The following DNM3 variants were observed in gnomAD, a reference collection of about 807,000 sequenced individuals.
DNM3 encodes the protein dynamin-3.
Under a neutral mutation model 101.6 loss-of-function variants are expected in DNM3, and 47 were observed. That is an observed-to-expected ratio of 0.46 (90% CI 0.37 to 0.59). The LOEUF (loss-of-function observed/expected upper bound fraction) is 0.59. Ranked by LOEUF, DNM3 falls within the 20% of genes least tolerant of loss-of-function variation. The pLI is 0.00. For missense variants in DNM3, 849 were observed against 1,085.7 expected (o/e 0.78, Z 3.06); for synonymous variants, 385 against 387.9 (o/e 0.99, Z 0.09).
intron 1 of DNM3, among the ~76,000 whole-genome samples, chr1:171,891,340 C>A (rs2037260200): frequency 7.3e-6 from 1 of 136,718 alleles, no homozygotes. Flanking sequence ...ATTACATGGG[C>A]AAGTGCTAAA....
intron 17 of DNM3, among the ~76,000 whole-genome samples, chr1:172,332,354 G>A (rs2066226399): frequency 6.6e-6 from 1 of 152,134 alleles, no homozygotes; most frequent in East Asian, 1.9e-4. Flanking sequence ...CTGTCACTGA[G>A]GCTGGAGTGC....
intron 1 of DNM3, among the ~76,000 whole-genome samples, chr1:171,882,441 A>T (rs1413662355): frequency 6.6e-6 from 1 of 150,486 alleles, no homozygotes; most frequent in African/African-American, 2.5e-5. Flanking sequence ...ACACACACAC[A>T]CACACACACA....
intron 13 of DNM3, among the ~76,000 whole-genome samples, chr1:172,103,120 A>G (rs373030139): frequency 6.6e-6 from 1 of 152,040 alleles, no homozygotes; most frequent in African/African-American, 2.4e-5. Flanking sequence ...CCCCCACCCA[A>G]TCCCACTCAC....
chr1:172,354,756 C>T (rs2067366292), intron 17 of DNM3, among the ~76,000 whole-genome samples: 1 of 152,048 alleles, frequency 6.6e-6, no homozygotes, highest in East Asian at 1.9e-4. Flanking sequence ...ATGGTGAAGC[C>T]ACAGCTGTCC....
At chr1:172,219,345 T>G (rs1361012283) in intron 14 of DNM3, among the ~76,000 whole-genome samples, 1 of 117,074 alleles carries the variant, frequency 8.5e-6, no homozygotes, top group Admixed American at 1.2e-4. Context: ...ATCACTGCAC[T>G]CCAGCCTGGG....
At chr1:172,254,737 C>T (rs1040364667) in intron 15 of DNM3, among the ~76,000 whole-genome samples, 1 of 152,062 alleles carries the variant, frequency 6.6e-6, no homozygotes, top group Non-Finnish European at 1.5e-5. Flanking sequence ...CCATGATCTT[C>T]ACTGAAACTT....
chr1:172,155,381 A>T (rs2058298470), intron 14 of DNM3, among the ~76,000 whole-genome samples: 1 of 151,910 alleles, frequency 6.6e-6, no homozygotes, highest in Admixed American at 6.6e-5. Context: ...TAAAACTTTC[A>T]TTCCATGGCT....
chr1:172,210,928 G>A (rs528200626), intron 14 of DNM3, among the ~76,000 whole-genome samples: 115 of 152,102 alleles, frequency 7.6e-4, no homozygotes, highest in African/African-American at 2.2e-3. Context: ...GGAAATAAAG[G>A]GCATTTTTTA....
intron 4 of DNM3, among the ~76,000 whole-genome samples, chr1:172,015,426 GTTC>G (rs2047386788): frequency 1.3e-5 from 2 of 152,086 alleles, no homozygotes; most frequent in South Asian, 2.1e-4. Context: ...CATTTATTTA[GTTC>G]TTCTTTAATA....
At chr1:171,996,478 T>TTA in intron 4 of DNM3, among the ~76,000 whole-genome samples, 2 of 152,210 alleles carry the variant, frequency 1.3e-5, no homozygotes, top group Non-Finnish European at 2.9e-5. Context: ...CACCATGTGC[T>TTA]TATGGTATAG....
At position 172,137,775 on chromosome 1, in the gene DNM3, A is replaced by G. The variant is rs987980122; in HGVS notation, c.1659+6487A>G. On this transcript the variant is annotated intron_variant, in intron 14 of 20. Coordinates refer to ENST00000627582, the MANE Select transcript of DNM3 (RefSeq NM_015569.5). The stretch of plus-strand genomic sequence containing the variant: ...TAATGAACTAAATAAAAGTTGACAC[A>G]TTTCTAATTTTATCCATCTTCCCAC... 4 of 152,296 alleles carry G rather than the reference A, an allele frequency of 2.6e-5. No homozygotes were observed. The East Asian group carries it at 7.7e-4, about 29-fold the overall frequency. 9.4% of individuals were successfully genotyped at this position (152,296 alleles called of 1,614,324 possible). A position where few individuals can be genotyped will look rare whatever the true frequency, so the allele number is the denominator to read the frequency against.
intron 17 of DNM3, among the ~76,000 whole-genome samples, chr1:172,347,611 T>A (rs1376921387): frequency 6.6e-6 from 1 of 152,178 alleles, no homozygotes; most frequent in African/African-American, 2.4e-5. Context: ...TGTAGTGATA[T>A]GAATACACTG....
At chr1:171,898,756 T>C (rs2038040856) in intron 1 of DNM3, among the ~76,000 whole-genome samples, 1 of 152,136 alleles carries the variant, frequency 6.6e-6, no homozygotes, top group East Asian at 1.9e-4. Context: ...TAGCTTTCTT[T>C]TTCACTTAAT....
chr1:171,927,425 T>C (rs1247379410), intron 2 of DNM3, among the ~76,000 whole-genome samples: 1 of 152,182 alleles, frequency 6.6e-6, no homozygotes, highest in Non-Finnish European at 1.5e-5. Flanking sequence ...TAGACCCCAG[T>C]GTCTACTTTT....
chr1:171,856,526 G>A (rs992526849), intron 1 of DNM3, among the ~76,000 whole-genome samples: 4 of 152,034 alleles, frequency 2.6e-5, no homozygotes, highest in African/African-American at 7.2e-5. Flanking sequence ...TTTTCCATTT[G>A]TTTGTGTCAT....
chr1:172,292,101 G>A (rs1253833059), intron 15 of DNM3, among the ~76,000 whole-genome samples: 3 of 151,954 alleles, frequency 2.0e-5, no homozygotes, highest in African/African-American at 7.3e-5. Context: ...TAAAGGCAGT[G>A]GAAATAATAA....
intron 13 of DNM3, among the ~76,000 whole-genome samples, chr1:172,114,523 A>G (rs2055748226): frequency 6.6e-6 from 1 of 152,236 alleles, no homozygotes; most frequent in Admixed American, 6.5e-5. Context: ...ATTTGGCAAG[A>G]GTACAAAGGA....
intron 14 of DNM3, among the ~76,000 whole-genome samples, chr1:172,197,943 A>G (rs948478888): frequency 3.3e-5 from 5 of 152,028 alleles, no homozygotes; most frequent in African/African-American, 9.7e-5. Flanking sequence ...TTCCAATACT[A>G]TGTTGAGTGA....
In DNM3 at chr1:172,387,452, T is replaced by G. The variant is rs920674539; in HGVS notation, c.2285+93T>G. On this transcript the variant is annotated intron_variant, in intron 19 of 20. Transcript: ENST00000627582. ...GCGGGCGGATCACGAGGTCAGGAGA[T>G]CGAGACCATCCTGGCGAACATAGTG... is the stretch of plus-strand genomic sequence containing the variant. 4 of 1,005,936 alleles carry G rather than the reference T, an allele frequency of 4.0e-6. No homozygotes were observed. The African/African-American group carries it at 6.5e-5, about 16-fold the overall frequency. The allele number at this position is 1,005,936 out of a possible 1,614,324, so 62.3% of individuals were successfully genotyped here.
Sources: allele counts gnomAD v4.1 joint callset (sites outside exome capture counted in the v4.1 genomes callset), GRCh38; gene constraint gnomAD v4.1.1; transcripts MANE v1.5; gene names NCBI Gene and HGNC (gene_info 2026-07-23, HGNC 2026-07-21).